Variants in HLCS observed in about 807,000 individuals in gnomAD.
HLCS encodes holocarboxylase synthetase.
A neutral mutation model predicts 75.0 loss-of-function variants in HLCS; 53 were observed. That is an observed-to-expected ratio of 0.71 (90% CI 0.57 to 0.89). HLCS has a LOEUF of 0.89. Ranked by LOEUF, HLCS falls within the 40% of genes least tolerant of loss-of-function variation. The probability of loss-of-function intolerance (pLI) is 0.00; values close to 1 mark genes in which losing one functional copy is unlikely to be tolerated. For missense variants in HLCS, 966 were observed against 1,074.0 expected (o/e 0.90, Z 1.41); for synonymous variants, 431 against 428.6 (o/e 1.01, Z -0.07).
intron 6 of HLCS, among the ~76,000 whole-genome samples, chr21:36,825,403 A>G (rs1378546577): frequency 1.3e-5 from 2 of 151,874 alleles, no homozygotes; most frequent in Admixed American, 1.3e-4. Context: ...AAATAATAAT[A>G]ATTGTTATTA....
chr21:36,965,864 C>A (rs1331467984), intron 1 of HLCS, among the ~76,000 whole-genome samples: 2 of 152,124 alleles, frequency 1.3e-5, no homozygotes, highest in Non-Finnish European at 1.5e-5. Flanking sequence ...GACCCTCCCG[C>A]CTCACCCTCC....
rs146162821 is a variant in HLCS at position 36,822,238 on chromosome 21, G to A, written c.1893-54953C>T. 3.9e-3 allele frequency among the ~76,000 whole-genome samples: 588 copies of A among 152,224 alleles called. 3 individuals are homozygous for A. The highest frequency in any genetic ancestry group is 0.014 in the African/African-American group (566 of 41,538). ...AGTTCGAAACCAGCCTGGCCAACAT[G>A]GCAAAACCCCGTCTCTACTAAAAAT... On this transcript the variant is annotated intron_variant, in intron 6 of 10. Coordinates refer to ENST00000674895, the MANE Select transcript of HLCS (RefSeq NM_001352514.2).
chr21:36,843,455 C>T (rs1251325672), intron 6 of HLCS, among the ~76,000 whole-genome samples: 2 of 149,858 alleles, frequency 1.3e-5, no homozygotes, highest in Non-Finnish European at 3.0e-5. Flanking sequence ...CACCCCACCC[C>T]CGAAAAAAGA....
intron 1 of HLCS, among the ~76,000 whole-genome samples, chr21:36,988,249 TTTCTC>T (rs2069265708): frequency 6.6e-6 from 1 of 152,196 alleles, no homozygotes; most frequent in Admixed American, 6.5e-5. Flanking sequence ...TTTTTTCCCT[TTTCTC>T]TTTTTCTTTC....
chr21:36,866,574 C>T lies in HLCS; in HGVS notation c.1892+30286G>A, dbSNP rs983994412. Among the ~76,000 whole-genome samples the T allele has an allele frequency of 5.9e-5, 9 of 152,300 alleles. No individual in the cohort carries two copies. In the South Asian group the frequency reaches 1.2e-3, roughly 21 times the overall value. On this transcript the variant is annotated intron_variant, in intron 6 of 10. Coordinates refer to ENST00000674895, the MANE Select transcript of HLCS (RefSeq NM_001352514.2). ...GGAAAGGTGGAGTCCCTTTCATTTA[C>T]ACGACTATTTTCATGACTGGGCAAA...
intron 6 of HLCS, among the ~76,000 whole-genome samples, chr21:36,870,013 T>C (rs1391910507): frequency 6.6e-6 from 1 of 152,188 alleles, no homozygotes; most frequent in East Asian, 1.9e-4. Context: ...TATAGCACCT[T>C]TGAATTGCAA....
chr21:36,905,301 G>C (rs371503382), intron 5 of HLCS, among the ~76,000 whole-genome samples: 1 of 152,060 alleles, frequency 6.6e-6, no homozygotes, highest in Admixed American at 6.6e-5. Flanking sequence ...CAGATAGATA[G>C]GTAATCAAGA....
At chr21:36,772,819 A>G (rs1489573416) in intron 6 of HLCS, among the ~76,000 whole-genome samples, 1 of 151,996 alleles carries the variant, frequency 6.6e-6, no homozygotes, top group African/African-American at 2.4e-5. Context: ...CTGTCTCACT[A>G]AAAATACAGA....
rs536730113 is a variant in HLCS, at chr21:36,818,706, C to T, written c.1893-51421G>A. 1.6e-3 allele frequency among the ~76,000 whole-genome samples: 242 copies of T among 152,306 alleles called. 1 individual carries two copies. The highest frequency in any genetic ancestry group is 2.9e-3 in the Non-Finnish European group (197 of 68,024). ...AGACATGAAAGAGCACTTAATTTCCCTTGGAGGAGCGGCGGTATTTGAACA... is the reference window on the plus strand; with the variant it reads ...AGACATGAAAGAGCACTTAATTTCCTTTGGAGGAGCGGCGGTATTTGAACA... On this transcript the variant is annotated intron_variant, in intron 6 of 10. Transcript: ENST00000674895.
chr21:36,831,317 T>C (rs1249673537), intron 6 of HLCS, among the ~76,000 whole-genome samples: 1 of 152,100 alleles, frequency 6.6e-6, no homozygotes. Context: ...TTCAAGGAAG[T>C]GGGAAGACAT....
chr21:36,769,126 A>C (rs996403974), intron 6 of HLCS, among the ~76,000 whole-genome samples: 6 of 152,230 alleles, frequency 3.9e-5, no homozygotes, highest in Admixed American at 3.9e-4. Flanking sequence ...ACAGACTTCT[A>C]GAACAAAGAG....
intron 6 of HLCS, among the ~76,000 whole-genome samples, chr21:36,829,857 G>C (rs1157339445): frequency 6.6e-6 from 1 of 152,188 alleles, no homozygotes; most frequent in African/African-American, 2.4e-5. Context: ...CACTATATGA[G>C]CTCACGTCTG....
chr21:36,984,516 A>G (rs1367177111), intron 1 of HLCS, among the ~76,000 whole-genome samples: 1 of 152,222 alleles, frequency 6.6e-6, no homozygotes. Flanking sequence ...GAGACAGAAC[A>G]GGAAGGTGTG....
intron 2 of HLCS, among the ~76,000 whole-genome samples, chr21:36,941,857 A>G (rs908959178): frequency 3.9e-5 from 6 of 152,164 alleles, no homozygotes; most frequent in Admixed American, 1.3e-4. Context: ...AATACAAAAA[A>G]TTAGCTGGGC....
intron 6 of HLCS, among the ~76,000 whole-genome samples, chr21:36,768,281 T>C (rs1443060995): frequency 6.6e-6 from 1 of 152,160 alleles, no homozygotes; most frequent in Non-Finnish European, 1.5e-5. Flanking sequence ...GGATGGCATT[T>C]TGTAATAACA....
In HLCS at chr21:36,767,241, G is replaced by A. The variant is rs375000063; in HGVS notation, c.1937C>T (p.Ala646Val). The change falls in exon 7 of 11, where the codon GCG (alanine) becomes GTG (valine). Residue 646 changes from alanine (A) to valine (V), a missense_variant. Ala to Val is a moderately conservative substitution (Grantham distance 64). Transcript: ENST00000674895. Reference protein sequence around the residue: ...TPQEMGLIVIAARQTEGKGRG... With the variant: ...TPQEMGLIVIVARQTEGKGRG... ...ACCTTTGCCCTCGGTCTGCCGGGCC[G>A]CGATCACTATTAAGCCCATTTCCTG... The A allele has an allele frequency of 3.0e-5, 48 of 1,614,028 alleles. No homozygotes were observed. The highest frequency in any genetic ancestry group is 1.8e-4 in the Admixed American group (11 of 60,002).
intron 2 of HLCS, among the ~76,000 whole-genome samples, chr21:36,961,161 T>G (rs911711865): frequency 1.3e-5 from 2 of 152,188 alleles, no homozygotes; most frequent in Non-Finnish European, 2.9e-5. Context: ...ACAACTCATT[T>G]TGGACATGTG....
chr21:36,954,179 G>A (rs536504578), intron 2 of HLCS, among the ~76,000 whole-genome samples: 17 of 152,172 alleles, frequency 1.1e-4, no homozygotes, highest in African/African-American at 3.9e-4. Context: ...GGTGGCTCGC[G>A]CCTGTATTCC....
At chr21:36,832,067 T>C (rs1364886056) in intron 6 of HLCS, among the ~76,000 whole-genome samples, 1 of 152,210 alleles carries the variant, frequency 6.6e-6, no homozygotes, top group Non-Finnish European at 1.5e-5. Flanking sequence ...AAGGATGTGT[T>C]CTTGCACATA....
Sources: allele counts gnomAD v4.1 joint callset (sites outside exome capture counted in the v4.1 genomes callset), GRCh38; gene constraint gnomAD v4.1.1; transcripts MANE v1.5; gene names NCBI Gene and HGNC (gene_info 2026-07-23, HGNC 2026-07-21).